DGKI: variants seen among roughly 807,000 people sequenced by gnomAD.
DGKI encodes diacylglycerol kinase iota, also known as DAG kinase iota.
Under a neutral mutation model 147.5 loss-of-function variants are expected in DGKI, and 55 were observed. The observed-to-expected ratio is 0.37, with a 90% confidence interval of 0.30 to 0.47. The LOEUF (loss-of-function observed/expected upper bound fraction) is 0.47, where lower values mean the gene tolerates loss of function less well. Among genes scored for constraint, DGKI ranks in the 20% least tolerant of loss-of-function variants. DGKI has a pLI of 1.00. For missense variants in DGKI, 1,007 were observed against 1,323.8 expected, an observed-to-expected ratio of 0.76 and a Z score of 3.71; for synonymous variants, 469 against 477.1, an observed-to-expected ratio of 0.98 and a Z score of 0.22.
chr7:137,410,218 A>G (rs1487085107), intron 29 of DGKI, among the ~76,000 whole-genome samples: 2 of 152,110 alleles, frequency 1.3e-5, no homozygotes, highest in African/African-American at 2.4e-5. Flanking sequence ...ATCCTGGCTA[A>G]CACGGTGAAA....
At chr7:137,680,367 T>C (rs1823194293) in intron 2 of DGKI, among the ~76,000 whole-genome samples, 1 of 152,226 alleles carries the variant, frequency 6.6e-6, no homozygotes, top group African/African-American at 2.4e-5. Flanking sequence ...AGAAATTCTA[T>C]AGAATAATCA....
At chr7:137,503,402 C>A (rs1244195336) in intron 21 of DGKI, among the ~76,000 whole-genome samples, 2 of 152,056 alleles carry the variant, frequency 1.3e-5, no homozygotes, top group African/African-American at 4.8e-5. Flanking sequence ...AACTGAAGAC[C>A]TCAATGACAG....
intron 1 of DGKI, among the ~76,000 whole-genome samples, chr7:137,720,339 G>C (rs1053350338): frequency 7.5e-6 from 1 of 133,712 alleles, no homozygotes; most frequent in Non-Finnish European, 1.6e-5. Context: ...CTCACTGCAA[G>C]CTCCACCTCC....
chr7:137,443,082 G>A (rs1326565409), intron 28 of DGKI, among the ~76,000 whole-genome samples: 2 of 152,152 alleles, frequency 1.3e-5, no homozygotes, highest in South Asian at 2.1e-4. Flanking sequence ...AGAATTAGAT[G>A]TATTGTCACA....
intron 28 of DGKI, among the ~76,000 whole-genome samples, chr7:137,416,602 T>C (rs1812370862): frequency 1.3e-5 from 2 of 152,126 alleles, no homozygotes; most frequent in Admixed American, 6.5e-5. Context: ...GAGAAGCTAT[T>C]GAAGAGCTAA....
chr7:137,755,246 A>G (rs973900087), intron 1 of DGKI, among the ~76,000 whole-genome samples: 2 of 152,218 alleles, frequency 1.3e-5, no homozygotes, highest in African/African-American at 4.8e-5. Flanking sequence ...AAGAAACATG[A>G]ATTAAAAAAT....
chr7:137,748,616 T>C (rs1795413437), intron 1 of DGKI, among the ~76,000 whole-genome samples: 1 of 152,202 alleles, frequency 6.6e-6, no homozygotes, highest in Admixed American at 6.5e-5. Context: ...CTAGTATTAG[T>C]TCTTGGAAAA....
intron 21 of DGKI, among the ~76,000 whole-genome samples, chr7:137,517,440 A>T (rs2128950585): frequency 6.6e-6 from 1 of 152,166 alleles, no homozygotes; most frequent in Non-Finnish European, 1.5e-5. Context: ...AAAAAAAGAA[A>T]GAACGCTGAG....
At chr7:137,756,421 G>A (rs10262997) in intron 1 of DGKI, among the ~76,000 whole-genome samples, 8,215 of 152,224 alleles carry the variant, frequency 0.054, 757 homozygotes, top group African/African-American at 0.19. Flanking sequence ...TTCGGGAACC[G>A]TCAGAAAGGT....
chr7:137,518,961 T>C (rs1414319661), intron 21 of DGKI, among the ~76,000 whole-genome samples: 1 of 152,064 alleles, frequency 6.6e-6, no homozygotes, highest in Non-Finnish European at 1.5e-5. Context: ...CCACTTTCTC[T>C]TTATGTTCTA....
intron 8 of DGKI, among the ~76,000 whole-genome samples, chr7:137,612,898 A>G (rs1458483311): frequency 2.0e-5 from 3 of 152,172 alleles, no homozygotes; most frequent in Admixed American, 6.6e-5. Context: ...TTCTGATTCC[A>G]ACAGCAGTCG....
Position 137,429,128 on chromosome 7 carries a change from A to C in DGKI, c.2761+14949T>G, listed in dbSNP as rs926855762. On this transcript the variant is annotated intron_variant, in intron 28 of 32. Coordinates refer to ENST00000614521, the MANE Select transcript of DGKI (RefSeq NM_001321708.2). ...TAAGCCAAAAGAACAAAGCTGGAGGAATCACACTACCTGACTTCAAACTAT... is the reference window on the plus strand; with the variant it reads ...TAAGCCAAAAGAACAAAGCTGGAGGCATCACACTACCTGACTTCAAACTAT... Among the ~76,000 whole-genome samples the C allele has an allele frequency of 7.3e-5, 11 of 151,508 alleles. No homozygotes were observed. In the South Asian group the frequency reaches 8.4e-4, roughly 12 times the overall value.
chr7:137,605,595 G>T (rs1212798594), intron 10 of DGKI, among the ~76,000 whole-genome samples: 1 of 152,012 alleles, frequency 6.6e-6, no homozygotes, highest in East Asian at 1.9e-4. Flanking sequence ...AGAAACTGTG[G>T]TATATATACA....
At chr7:137,557,205 T>A (rs1818254046) in intron 19 of DGKI, among the ~76,000 whole-genome samples, 1 of 152,196 alleles carries the variant, frequency 6.6e-6, no homozygotes, top group South Asian at 2.1e-4. Context: ...TTCTGTTTCT[T>A]TGGAGAATCT....
chr7:137,692,930 C>T (rs1823662641), intron 1 of DGKI, among the ~76,000 whole-genome samples: 1 of 152,086 alleles, frequency 6.6e-6, no homozygotes, highest in African/African-American at 2.4e-5. Context: ...CACAAAAGGA[C>T]ATACAAATAG....
Position 137,645,533 on chromosome 7 carries a change from A to C in DGKI, c.743T>G (p.Phe248Cys), listed in dbSNP as rs763957674. ...EGGSRSPREN[F>C]VRHHWVHRRR... ...CCTGTGCACCCAGTGATGACGTACA[A>C]AATTCTGTGGGAAAACAAAATTAAA... Residue 248 changes from phenylalanine to cysteine, a missense_variant, in exon 6 of 33, where the codon TTT (phenylalanine) becomes TGT (cysteine). Physicochemically the swap from Phe to Cys is radical, Grantham distance 205. Around this residue, in one of 5 missense-constraint regions of DGKI, gnomAD observed 259 missense variants for 362.5 expected, o/e 0.71. Transcript: ENST00000614521. 2.5e-6 allele frequency: 4 copies of C among 1,612,204 alleles called. No individual in the cohort carries two copies. The highest frequency in any genetic ancestry group is 3.4e-6 in the Non-Finnish European group (4 of 1,179,102).
At chr7:137,746,929 A>G (rs1466740651) in intron 1 of DGKI, among the ~76,000 whole-genome samples, 2 of 152,176 alleles carry the variant, frequency 1.3e-5, no homozygotes, top group African/African-American at 2.4e-5. Flanking sequence ...AGCCTGGGGC[A>G]AGATGAAGGG....
chr7:137,411,692 C>A (rs1376542008), intron 29 of DGKI, among the ~76,000 whole-genome samples: 1 of 152,144 alleles, frequency 6.6e-6, no homozygotes, highest in Non-Finnish European at 1.5e-5. Flanking sequence ...CCAGAAAACA[C>A]AAACACAAAT....
intron 21 of DGKI, among the ~76,000 whole-genome samples, chr7:137,520,398 C>A (rs761675629): frequency 6.6e-6 from 1 of 152,002 alleles, no homozygotes; most frequent in South Asian, 2.1e-4. Context: ...CACTTCCCAT[C>A]GCAAAAATAT....
Sources: gnomAD v4.1 joint callset for allele counts (sites outside exome capture counted in the v4.1 genomes callset) on GRCh38, gnomAD v4.1.1 for gene constraint, gnomAD v4.1.1 regional missense constraint, MANE v1.5 for transcripts, NCBI Gene and HGNC (gene_info 2026-07-23, HGNC 2026-07-21) for gene names.